Variants in ITIH5 observed in about 807,000 individuals in gnomAD.
The protein encoded by ITIH5 is inter-alpha-trypsin inhibitor heavy chain H5.
In ITIH5, 65 loss-of-function variants were observed where a neutral mutation model predicts 77.5. The ratio of observed to expected loss-of-function variants is 0.84; its 90% CI spans 0.69 to 1.03. ITIH5 has a LOEUF of 1.03. Ranked by LOEUF, ITIH5 falls within the 50% of genes least tolerant of loss-of-function variation. ITIH5 has a pLI of 0.00. For missense variants in ITIH5, 1,208 were observed against 1,213.1 expected (o/e 1.00, Z 0.06); for synonymous variants, 525 against 494.3 (o/e 1.06, Z -0.82).
intron 1 of ITIH5, among the ~76,000 whole-genome samples, chr10:7,657,041 C>CTTTT (rs56737624): frequency 1.0e-5 from 1 of 99,868 alleles, no homozygotes; most frequent in African/African-American, 4.3e-5. Flanking sequence ...CGCGTTCGGC[C>CTTTT]TTTTTTTTTT....
intron 8 of ITIH5, 58 bp downstream of exon 8, chr10:7,585,842 CA>C (rs373488153): frequency 2.9e-3 from 2,948 of 1,002,314 alleles, no homozygotes; most frequent in South Asian, 3.7e-3. Flanking sequence ...AAAAAAAAAC[CA>C]AAAAAAAAAA....
chr10:7,586,835 C>CT (rs1338636909), intron 7 of ITIH5, among the ~76,000 whole-genome samples: 3 of 131,854 alleles, frequency 2.3e-5, no homozygotes, highest in African/African-American at 8.7e-5. Context: ...GGGCATTCTT[C>CT]TTATTTTTTT....
chr10:7,664,823 C>T (rs1280895159), intron 1 of ITIH5, among the ~76,000 whole-genome samples: 2 of 152,176 alleles, frequency 1.3e-5, no homozygotes, highest in African/African-American at 4.8e-5. Context: ...GAATAGAGTG[C>T]TCATTACATT....
chr10:7,648,766 T>G (rs1468116444), intron 2 of ITIH5, among the ~76,000 whole-genome samples: 1 of 152,172 alleles, frequency 6.6e-6, no homozygotes, highest in Non-Finnish European at 1.5e-5. Context: ...ATTTAAAATG[T>G]GAAAACTAGA....
chr10:7,597,774 T>C (rs1832935779), intron 7 of ITIH5, among the ~76,000 whole-genome samples: 1 of 152,204 alleles, frequency 6.6e-6, no homozygotes, highest in Non-Finnish European at 1.5e-5. Flanking sequence ...TCCAAGTCCA[T>C]AGTATTACAA....
intron 5 of ITIH5, among the ~76,000 whole-genome samples, chr10:7,635,100 T>A (rs1833778495): frequency 6.6e-6 from 1 of 152,166 alleles, no homozygotes. Context: ...GCTTTTCTTC[T>A]GTAGTTCGAA....
intron 5 of ITIH5, among the ~76,000 whole-genome samples, chr10:7,635,165 A>T (rs1833779441): frequency 6.6e-6 from 1 of 152,206 alleles, no homozygotes; most frequent in Admixed American, 6.5e-5. Context: ...TGCTAAGGAG[A>T]CACAGGTTAA....
At chr10:7,605,378 C>A (rs545316709) in intron 7 of ITIH5, among the ~76,000 whole-genome samples, 2 of 151,978 alleles carry the variant, frequency 1.3e-5, no homozygotes, top group South Asian at 4.2e-4. Context: ...CTAAAAAGAA[C>A]TGATTACCAC....
At chr10:7,582,346 A>G (rs975171385) in intron 8 of ITIH5, among the ~76,000 whole-genome samples, 1 of 152,200 alleles carries the variant, frequency 6.6e-6, no homozygotes, top group Non-Finnish European at 1.5e-5. Flanking sequence ...AACCCCAGCT[A>G]CAGTGAGGTT....
intron 7 of ITIH5, among the ~76,000 whole-genome samples, chr10:7,614,232 A>G (rs901566537): frequency 6.6e-6 from 1 of 152,232 alleles, no homozygotes; most frequent in Non-Finnish European, 1.5e-5. Flanking sequence ...GAAGGAAGAA[A>G]AAGTCAAAAA....
At chr10:7,627,203 AGAT>A (rs1296167586) in intron 5 of ITIH5, among the ~76,000 whole-genome samples, 4 of 152,164 alleles carry the variant, frequency 2.6e-5, no homozygotes, top group Non-Finnish European at 5.9e-5. Flanking sequence ...CTTAAAACCT[AGAT>A]GACGGGTTGA....
At chr10:7,666,727 A>T in intron 1 of ITIH5, 76 bp downstream of exon 1, 2 of 1,210,966 alleles carry the variant, frequency 1.7e-6, no homozygotes, top group Non-Finnish European at 2.4e-6. Flanking sequence ...GGGCCCGGGC[A>T]GAAGCTCCGC....
chr10:7,619,640 A>C (rs925327114), intron 5 of ITIH5: 1 of 363,786 alleles, frequency 2.7e-6, no homozygotes, highest in Non-Finnish European at 5.7e-6. Flanking sequence ...GCAAACGCAA[A>C]GCGAACACGT....
chr10:7,590,120 A>G (rs1194987530), intron 7 of ITIH5, among the ~76,000 whole-genome samples: 1 of 152,076 alleles, frequency 6.6e-6, no homozygotes, highest in African/African-American at 2.4e-5. Context: ...CGTGTCCCAC[A>G]GGTAGCTCAG....
intron 13 of ITIH5, among the ~76,000 whole-genome samples, chr10:7,565,476 T>C (rs1265639337): frequency 1.3e-5 from 2 of 150,474 alleles, no homozygotes; most frequent in African/African-American, 4.9e-5. Flanking sequence ...CATATGTACA[T>C]ATACAGACTG....
At chr10:7,598,794 G>A (rs2131002036) in intron 7 of ITIH5, among the ~76,000 whole-genome samples, 1 of 152,282 alleles carries the variant, frequency 6.6e-6, no homozygotes, top group South Asian at 2.1e-4. Flanking sequence ...TCCTAAAATA[G>A]AAAGATTGCT....
intron 2 of ITIH5, among the ~76,000 whole-genome samples, chr10:7,649,477 G>A (rs1399956258): frequency 6.6e-6 from 1 of 152,054 alleles, no homozygotes; most frequent in Non-Finnish European, 1.5e-5. Context: ...AGAGATAGGG[G>A]ATATAGGAAT....
chr10:7,609,239 GCACTGATCACTCAATGGTAACT>G, intron 7 of ITIH5, among the ~76,000 whole-genome samples: 1 of 152,164 alleles, frequency 6.6e-6, no homozygotes, highest in Non-Finnish European at 1.5e-5. Context: ...CACTTGATAC[GCACTGATCACTCAATGGTAACT>G]ACTGTGCCTC....
chr10:7,620,508 G>A (rs1214584805), intron 5 of ITIH5: 1 of 152,200 alleles, frequency 6.6e-6, no homozygotes, highest in African/African-American at 2.4e-5. Context: ...GTCTTGAGGT[G>A]GAAGGCAGTT....
Sources: allele counts gnomAD v4.1 joint callset (sites outside exome capture counted in the v4.1 genomes callset), GRCh38; gene constraint gnomAD v4.1.1; transcripts MANE v1.5; gene names NCBI Gene and HGNC (gene_info 2026-07-23, HGNC 2026-07-21).